TTC7A: variants seen among roughly 807,000 people sequenced by gnomAD.
The protein encoded by TTC7A is tetratricopeptide repeat protein 7A.
TTC7A carries 110 observed loss-of-function variants against 103.7 expected under a neutral mutation model. That is an observed-to-expected ratio of 1.06 (90% confidence interval 0.91 to 1.24). The LOEUF is 1.24. Among genes scored for constraint, TTC7A ranks in the 50% most tolerant of loss-of-function variants. TTC7A has a pLI of 0.00. For synonymous variants in TTC7A, 521 were observed against 467.9 expected, an observed-to-expected ratio of 1.11 and a Z score of -1.47; for missense variants, 1,340 against 1,116.3, an observed-to-expected ratio of 1.20 and a Z score of -2.86.
At chr2:46,956,773 C>T in intron 2 of TTC7A, 66 bp from the exon 3 acceptor site, 1 of 1,573,864 alleles carries the variant, frequency 6.4e-7, no homozygotes, top group Non-Finnish European at 8.7e-7. Flanking sequence ...GGTCCAGGTT[C>T]AGTGGGGGTG....
In TTC7A at chr2:47,036,672, C is replaced by G. The variant is rs1309054335; in HGVS notation, c.1802+7288C>G. Among the ~76,000 whole-genome samples the G allele has an allele frequency of 3.9e-5, 6 of 152,292 alleles. No individual in the cohort carries two copies. In the East Asian group the frequency reaches 9.6e-4, roughly 24 times the overall value. ...AGGAGTTTGAGAACAGCCCTGGTAACATAGCAAGACCTCGTCTGTACAAAA... is the reference window on the plus strand; with the variant it reads ...AGGAGTTTGAGAACAGCCCTGGTAAGATAGCAAGACCTCGTCTGTACAAAA... On this transcript the variant is annotated intron_variant, in intron 15 of 19. Coordinates refer to ENST00000319190, the MANE Select transcript of TTC7A (RefSeq NM_020458.4).
chr2:47,062,193 T>G (rs953907952), intron 19 of TTC7A, among the ~76,000 whole-genome samples: 1 of 152,212 alleles, frequency 6.6e-6, no homozygotes, highest in African/African-American at 2.4e-5. Context: ...GTGAGAGTGT[T>G]GCCGAGAGAA....
At chr2:47,026,737 A>G (rs919809908) in intron 14 of TTC7A, among the ~76,000 whole-genome samples, 1 of 152,196 alleles carries the variant, frequency 6.6e-6, no homozygotes, top group Non-Finnish European at 1.5e-5. Flanking sequence ...TGTTTGTTCC[A>G]CCAGTACTTT....
chr2:47,036,081 A>T (rs549569406), intron 15 of TTC7A, among the ~76,000 whole-genome samples: 1 of 152,294 alleles, frequency 6.6e-6, no homozygotes, highest in South Asian at 2.1e-4. Flanking sequence ...CAAGATCAGG[A>T]ATTTGTGTTT....
At chr2:47,048,128 A>G (rs1394369951) in intron 16 of TTC7A, among the ~76,000 whole-genome samples, 1 of 152,158 alleles carries the variant, frequency 6.6e-6, no homozygotes, top group East Asian at 1.9e-4. Context: ...ATTGCCCCTC[A>G]GGCCCTGTCC....
chr2:46,968,371 C>A (rs1226350323), intron 3 of TTC7A, among the ~76,000 whole-genome samples: 1 of 152,214 alleles, frequency 6.6e-6, no homozygotes, highest in East Asian at 1.9e-4. Context: ...CAGGGCAGCC[C>A]ACCTTCATCC....
intron 4 of TTC7A, among the ~76,000 whole-genome samples, chr2:46,975,983 T>C (rs1324701851): frequency 1.3e-5 from 2 of 152,158 alleles, no homozygotes; most frequent in Non-Finnish European, 2.9e-5. Flanking sequence ...GTGATCCACC[T>C]GCCTCAGCCT....
intron 5 of TTC7A, among the ~76,000 whole-genome samples, chr2:46,989,419 A>G (rs1675371412): frequency 6.6e-6 from 1 of 152,218 alleles, no homozygotes; most frequent in Non-Finnish European, 1.5e-5. Context: ...GAAAAGCCCC[A>G]GCTCCACCTG....
intron 16 of TTC7A, among the ~76,000 whole-genome samples, chr2:47,049,268 C>T (rs1682624580): frequency 6.6e-6 from 1 of 152,130 alleles, no homozygotes; most frequent in African/African-American, 2.4e-5. Context: ...CTGCTTGTGC[C>T]CCAGGATGGC....
intron 1 of TTC7A, among the ~76,000 whole-genome samples, chr2:46,943,180 G>A (rs1228403136): frequency 6.6e-6 from 1 of 152,158 alleles, no homozygotes. Context: ...TGGGATTACA[G>A]GCATGAACCA....
At chr2:46,990,975 C>T (rs929311893) in intron 5 of TTC7A, among the ~76,000 whole-genome samples, 4 of 152,170 alleles carry the variant, frequency 2.6e-5, no homozygotes, top group South Asian at 2.1e-4. Context: ...TGCAGTGATG[C>T]GATTTCAGCT....
chr2:46,997,479 C>T (rs1440180534), intron 8 of TTC7A, among the ~76,000 whole-genome samples: 1 of 152,144 alleles, frequency 6.6e-6, no homozygotes, highest in Non-Finnish European at 1.5e-5. Flanking sequence ...ACAACAGTTT[C>T]ATATAGTTCA....
Position 47,029,237 on chromosome 2 carries a change from T to C in TTC7A, c.1655T>C (p.Met552Thr). The stretch of plus-strand genomic sequence containing the variant: ...TTCCTTCAACAGATCTCCAGTGCCA[T>C]GGAGCAGCTGCAGGAGGCCCTGAAG... ...LALVRQISSAMEQLQEALKVR... is the reference protein window; with the variant it reads ...LALVRQISSATEQLQEALKVR... The change falls in exon 15 of 20, where the codon ATG becomes ACG. Residue 552 changes from methionine (M) to threonine (T), a missense_variant. By Grantham distance (81) the Met-to-Thr change is moderately conservative. Coordinates refer to ENST00000319190, the MANE Select transcript of TTC7A (RefSeq NM_020458.4). The C allele has an allele frequency of 6.2e-7, 1 of 1,613,816 alleles. No homozygotes were observed. The highest frequency in any genetic ancestry group is 8.5e-7 in the Non-Finnish European group (1 of 1,179,992).
In TTC7A at chr2:46,993,542, C is replaced by A; in HGVS notation, c.843+14C>A. 6 of 1,612,822 alleles carry A rather than the reference C, an allele frequency of 3.7e-6. No individual in the cohort carries two copies. Among genetic ancestry groups the A allele is most frequent in the Non-Finnish European group, 4.2e-6 (5 of 1,178,836 alleles). ...AACTTCAAAGTGGTAATGTGGGGTG[C>A]TGGCAGTGCTGGCTTATTTAGGAGT... On this transcript the variant is annotated intron_variant, in intron 6 of 19. Transcript: ENST00000319190.
rs906523542 is a variant in TTC7A, at chr2:46,941,695, C to A, written c.154C>A (p.Pro52Thr). 3.2e-6 allele frequency: 5 copies of A among 1,550,846 alleles called. No homozygotes were observed. The highest frequency in any genetic ancestry group is 2.0e-5 in the Admixed American group (1 of 51,072). The change falls in exon 1 of 20, where the codon CCG becomes ACG. Residue 52 changes from proline to threonine, a missense_variant. By Grantham distance (38) the Pro-to-Thr change is conservative. Coordinates refer to ENST00000319190, the MANE Select transcript of TTC7A (RefSeq NM_020458.4). The surrounding 1 kb of genome is among the most constrained non-coding windows in gnomAD (Gnocchi z 4.2). ...PGGGGNRRGS[P>T]SAAFTFPDTD... ...CGGCGGAGGTAACAGGCGAGGCAGC[C>A]CGAGCGCAGCGTTCACCTTTCCGGA...
At chr2:47,061,003 T>C in intron 19 of TTC7A, 32 bp downstream of exon 19, 1 of 1,551,094 alleles carries the variant, frequency 6.4e-7, no homozygotes, top group Non-Finnish European at 8.7e-7. Context: ...TCCCACCACC[T>C]CCTCCCACAG....
At chr2:46,981,454 G>C (rs1386149791) in intron 5 of TTC7A, among the ~76,000 whole-genome samples, 1 of 152,092 alleles carries the variant, frequency 6.6e-6, no homozygotes, top group African/African-American at 2.4e-5. Flanking sequence ...GGGCTTTGGT[G>C]GGGGCAGGCG....
intron 1 of TTC7A, among the ~76,000 whole-genome samples, chr2:46,945,790 G>T (rs1025084379): frequency 6.6e-6 from 1 of 152,074 alleles, no homozygotes; most frequent in Non-Finnish European, 1.5e-5. Context: ...TTCCGTTTCA[G>T]TTAGAAGGGG....
chr2:47,024,059 G>A (rs955184997), intron 13 of TTC7A, among the ~76,000 whole-genome samples: 5 of 152,074 alleles, frequency 3.3e-5, no homozygotes, highest in Non-Finnish European at 7.4e-5. Context: ...CCCTACCTCA[G>A]TGAGTGCCAG....
Sources: gnomAD v4.1 joint callset for allele counts (sites outside exome capture counted in the v4.1 genomes callset) on GRCh38, gnomAD v4.1.1 for gene constraint, Gnocchi (gnomAD v3.1) non-coding constraint, MANE v1.5 for transcripts, NCBI Gene and HGNC (gene_info 2026-07-23, HGNC 2026-07-21) for gene names.